NFIC: variants seen among roughly 807,000 people sequenced by gnomAD.
NFIC encodes the protein nuclear factor I C, also known as nuclear factor 1 C-type.
A neutral mutation model predicts 54.4 loss-of-function variants in NFIC; 12 were observed. The ratio of observed to expected loss-of-function variants is 0.22; its 90% CI spans 0.14 to 0.36. The LOEUF is 0.36. Ranked by LOEUF, NFIC falls within the 10% of genes least tolerant of loss-of-function variation. The pLI, the probability that NFIC is intolerant of heterozygous loss-of-function variation, is 1.00. For synonymous variants in NFIC, 322 were observed against 319.2 expected (o/e 1.01, Z -0.09); for missense variants, 575 against 718.2 (o/e 0.80, Z 2.28).
At position 3,452,063 on chromosome 19, in the gene NFIC, G is replaced by A. The variant is rs1395886971; in HGVS notation, c.1085-419G>A. On this transcript the variant is annotated intron_variant, in intron 7 of 10. Transcript: ENST00000443272. The surrounding 1 kb of genome is among the most constrained non-coding windows in gnomAD (Gnocchi z 5.3). ...CAGGAGGTGGAGGTTGCAGTGAGCT[G>A]AGGTCATACCACTGCACTCCAGCCT... 6.9e-6 allele frequency among the ~76,000 whole-genome samples: 1 copy of A among 144,624 alleles called. No homozygotes were observed. The highest frequency in any genetic ancestry group is 1.5e-5 in the Non-Finnish European group (1 of 66,694). 94.9% of individuals were successfully genotyped at this position (144,624 alleles called of 152,430 possible).
intron 6 of NFIC, among the ~76,000 whole-genome samples, chr19:3,443,307 A>G (rs1395786952): frequency 6.6e-6 from 1 of 151,964 alleles, no homozygotes; most frequent in East Asian, 1.9e-4. Context: ...CTGTAGTCCC[A>G]GCTACTCGAG....
At chr19:3,398,431 G>T (rs1243665605) in intron 2 of NFIC, among the ~76,000 whole-genome samples, 2 of 152,102 alleles carry the variant, frequency 1.3e-5, no homozygotes, top group Admixed American at 6.5e-5. Flanking sequence ...TGGTGTCATC[G>T]CCTCCTCCCT....
At chr19:3,444,596 C>T (rs572366863) in intron 6 of NFIC, among the ~76,000 whole-genome samples, 1 of 152,352 alleles carries the variant, frequency 6.6e-6, no homozygotes, top group African/African-American at 2.4e-5. Context: ...CTCCCCCCTC[C>T]TTCCTGCCCT....
chr19:3,383,829 C>T (rs983817006), intron 2 of NFIC, among the ~76,000 whole-genome samples: 1 of 152,208 alleles, frequency 6.6e-6, no homozygotes, highest in African/African-American at 2.4e-5. Flanking sequence ...GGCATTTGCC[C>T]GAACAGGAGG....
At chr19:3,442,446 T>C (rs898513339) in intron 6 of NFIC, among the ~76,000 whole-genome samples, 2 of 149,454 alleles carry the variant, frequency 1.3e-5, no homozygotes, top group African/African-American at 2.5e-5. Context: ...AGTGGCATGA[T>C]CTCGGCTCAC....
chr19:3,387,277 G>A (rs10414461), intron 2 of NFIC, among the ~76,000 whole-genome samples: 18,143 of 152,176 alleles, frequency 0.12, 1,180 homozygotes, highest in Middle Eastern at 0.17. Flanking sequence ...CGAGGCAGGC[G>A]GATCACCTGA....
upstream of NFIC, among the ~76,000 whole-genome samples, chr19:3,361,895 ACT>A (rs1443051060): frequency 3.9e-5 from 6 of 151,926 alleles, no homozygotes; most frequent in Non-Finnish European, 8.8e-5. Flanking sequence ...TGTCTGCATG[ACT>A]CTGCACACAC....
intron 2 of NFIC, among the ~76,000 whole-genome samples, chr19:3,397,104 G>A (rs1298058648): frequency 6.6e-6 from 1 of 152,152 alleles, no homozygotes; most frequent in Non-Finnish European, 1.5e-5. Context: ...GCTCATCTGA[G>A]CCCTCAGGAA....
chr19:3,422,759 G>A (rs530786524), intron 2 of NFIC, among the ~76,000 whole-genome samples: 17 of 151,888 alleles, frequency 1.1e-4, no homozygotes, highest in Admixed American at 3.3e-4. Context: ...ACAAAGACCC[G>A]GGGGGTCTTG....
Position 3,378,380 on chromosome 19 carries a change from G to C in NFIC, c.31-3332G>C, listed in dbSNP as rs1223066899. Among the ~76,000 whole-genome samples, 4 of 152,096 alleles carry C rather than the reference G, an allele frequency of 2.6e-5. No individual in the cohort carries two copies. The East Asian group carries it at 7.7e-4, about 29-fold the overall frequency. On this transcript the variant is annotated intron_variant, in intron 1 of 10. Transcript: ENST00000443272. ...CAAAGTTCTGGGATTACAGGCGTTA[G>C]CCATAGTCCCCAGCTGAGATCCCAA...
rs2121978154 is a variant in NFIC, at chr19:3,464,648, C to T, written c.*1879C>T. ...TCCGGGTCTCACCTGCTCCTAGCCT[C>T]ACCCCCCTGCCCCCGAAAACCAGAC... On this transcript the variant is annotated 3_prime_UTR_variant, in exon 11 of 11. Coordinates refer to ENST00000443272, the MANE Select transcript of NFIC (RefSeq NM_001245002.2). 1.0e-6 allele frequency: 1 copy of T among 984,324 alleles called. No homozygotes were observed. Among genetic ancestry groups the T allele is most frequent in the South Asian group, 4.7e-5 (1 of 21,228 alleles). The allele number at this position is 984,324 out of a possible 1,614,324, so 61.0% of individuals were successfully genotyped here.
intron 9 of NFIC, chr19:3,454,338 C>T (rs964984538): frequency 6.7e-6 from 6 of 896,094 alleles, no homozygotes; most frequent in African/African-American, 3.6e-5. Context: ...AAAATCAGGA[C>T]GTTTTACATA....
chr19:3,390,149 C>T (rs926811905), intron 2 of NFIC, among the ~76,000 whole-genome samples: 1 of 152,216 alleles, frequency 6.6e-6, no homozygotes, highest in African/African-American at 2.4e-5. Flanking sequence ...GTGGCTGTCA[C>T]CAGAAGCTGG....
chr19:3,361,170 G>C (rs2080806025), intron 1 of NFIC, among the ~76,000 whole-genome samples: 1 of 152,304 alleles, frequency 6.6e-6, no homozygotes, highest in South Asian at 2.1e-4. Flanking sequence ...AGGTGGCGCC[G>C]GGACGCGATC....
chr19:3,374,337 C>T (rs1210158225), intron 1 of NFIC, among the ~76,000 whole-genome samples: 1 of 152,172 alleles, frequency 6.6e-6, no homozygotes, highest in Non-Finnish European at 1.5e-5. Context: ...CAGGAAAGAC[C>T]TAGCCTTGTT....
At chr19:3,436,851 G>A (rs1395704344) in intron 6 of NFIC, among the ~76,000 whole-genome samples, 1 of 152,162 alleles carries the variant, frequency 6.6e-6, no homozygotes, top group Non-Finnish European at 1.5e-5. Flanking sequence ...CCTGGGTTCA[G>A]ATCCCAGCCC....
intron 7 of NFIC, among the ~76,000 whole-genome samples, chr19:3,451,072 T>C (rs2082455226): frequency 6.6e-6 from 1 of 152,060 alleles, no homozygotes; most frequent in South Asian, 2.1e-4. Context: ...ATACTAAAAA[T>C]CACTGAACTG....
intron 2 of NFIC, among the ~76,000 whole-genome samples, chr19:3,396,074 G>A (rs945151452): frequency 2.6e-5 from 4 of 152,148 alleles, no homozygotes; most frequent in African/African-American, 7.2e-5. Context: ...CCACTGTGGC[G>A]GGAGGTATTT....
At position 3,394,510 on chromosome 19, in the gene NFIC, CT is replaced by C. The variant is rs1180772081; in HGVS notation, c.562+12271del. On this transcript the variant is annotated intron_variant, in intron 2 of 10. Coordinates refer to ENST00000443272, the MANE Select transcript of NFIC (RefSeq NM_001245002.2). ...AAAAGTTATCGAGGTATTTTATGAT[CT>C]TTTCCCCACCCACCCCCCACCCGCT... Among the ~76,000 whole-genome samples the C allele has an allele frequency of 2.2e-3, 51 of 22,672 alleles. 1 individual carries two copies. The highest frequency in any genetic ancestry group is 6.0e-3 in the African/African-American group (45 of 7,458). The allele number at this position is 22,672 out of a possible 152,430, so 14.9% of individuals were successfully genotyped here. A position where few individuals can be genotyped will look rare whatever the true frequency, so the allele number is the denominator to read the frequency against.
Sources: allele counts gnomAD v4.1 joint callset (sites outside exome capture counted in the v4.1 genomes callset), GRCh38; gene constraint gnomAD v4.1.1; non-coding constraint Gnocchi (gnomAD v3.1); transcripts MANE v1.5; gene names NCBI Gene and HGNC (gene_info 2026-07-23, HGNC 2026-07-21).